MED12L: variants seen among roughly 807,000 people sequenced by gnomAD.
The protein encoded by MED12L is mediator of RNA polymerase II transcription subunit 12-like protein.
Under a neutral mutation model 281.3 loss-of-function variants are expected in MED12L, and 60 were observed. That is an observed-to-expected ratio of 0.21 (90% CI 0.17 to 0.26). The LOEUF (loss-of-function observed/expected upper bound fraction) is 0.26. Ranked by LOEUF, MED12L falls within the 10% of genes least tolerant of loss-of-function variation. MED12L has a pLI of 1.00. For synonymous variants in MED12L, 974 were observed against 987.2 expected, an observed-to-expected ratio of 0.99 and a Z score of 0.25; for missense variants, 2,146 against 2,680.9, an observed-to-expected ratio of 0.80 and a Z score of 4.41.
intron 38 of MED12L, among the ~76,000 whole-genome samples, chr3:151,394,046 G>A (rs371357128): frequency 1.3e-5 from 2 of 152,064 alleles, no homozygotes; most frequent in South Asian, 4.1e-4. Context: ...AGGATTTCCT[G>A]TGGTTTCTTA....
At position 151,295,140 on chromosome 3, in the gene MED12L, G is replaced by GGGT. The variant is rs1219060436; in HGVS notation, c.2251-54914_2251-54912dup. The GGGT allele has an allele frequency of 2.5e-6, 4 of 1,613,322 alleles. No homozygotes were observed. In the African/African-American group the frequency reaches 5.3e-5, roughly 22 times the overall value. ...ACAATTGTGTCAAATTCATTGTGAA[G>GGGT]GGTGGTGTTCTTTCCTGGCCCGTCG... On this transcript the variant is annotated intron_variant, in intron 16 of 44. Transcript: ENST00000687756.
At chr3:151,368,735 A>C (rs1755775231) in intron 25 of MED12L, among the ~76,000 whole-genome samples, 1 of 62,102 alleles carries the variant, frequency 1.6e-5, no homozygotes, top group African/African-American at 7.8e-5. Flanking sequence ...ATTTCATTTC[A>C]TTTCATTTCA....
chr3:151,264,877 G>C (rs1329990538), intron 16 of MED12L, among the ~76,000 whole-genome samples: 1 of 152,152 alleles, frequency 6.6e-6, no homozygotes, highest in East Asian at 1.9e-4. Context: ...TTCTCTGACT[G>C]TACCTCCTGT....
intron 16 of MED12L, among the ~76,000 whole-genome samples, chr3:151,194,124 C>G (rs2149110483): frequency 6.6e-6 from 1 of 152,036 alleles, no homozygotes; most frequent in South Asian, 2.1e-4. Flanking sequence ...TGCCACCACG[C>G]CTGGCTAATT....
chr3:151,098,503 A>G (rs1721012264), intron 2 of MED12L, among the ~76,000 whole-genome samples: 2 of 152,308 alleles, frequency 1.3e-5, no homozygotes, highest in East Asian at 3.9e-4. Flanking sequence ...TGCCTCCTTC[A>G]GCCTGTGGTG....
intron 44 of MED12L, among the ~76,000 whole-genome samples, chr3:151,431,835 A>G (rs1254264002): frequency 1.3e-5 from 2 of 152,166 alleles, no homozygotes; most frequent in Admixed American, 1.3e-4. Flanking sequence ...GATTTACTTT[A>G]TTTTTAACCC....
At chr3:151,396,647 A>C (rs1715017394) in intron 39 of MED12L, among the ~76,000 whole-genome samples, 2 of 152,184 alleles carry the variant, frequency 1.3e-5, no homozygotes, top group Admixed American at 1.3e-4. Context: ...ATAAAATAAT[A>C]AATAAAGTAA....
chr3:151,326,047 A>G (rs572882338), intron 16 of MED12L, among the ~76,000 whole-genome samples: 1 of 152,332 alleles, frequency 6.6e-6, no homozygotes, highest in African/African-American at 2.4e-5. Flanking sequence ...TTACTTAACC[A>G]TTATCAATAG....
chr3:151,382,690 A>C lies in MED12L; in HGVS notation c.4625A>C (p.Asp1542Ala), dbSNP rs778691426. The change falls in exon 33 of 45, where the codon GAT becomes GCT. Residue 1542 changes from aspartate (D) to alanine (A), a missense_variant. Physicochemically the swap from Asp to Ala is moderately radical, Grantham distance 126. This residue lies in a region of MED12L where 212 missense variants were observed against 340.8 expected (regional missense o/e 0.62). Transcript: ENST00000687756. ...AACTGGAGAGAAGAACGATACCAAG[A>C]TGACATAAAAGCGCGGCAGATGATG... ...LSNWREERYQ[D>A]DIKARQMMHE... 1 of 1,612,606 alleles carries C rather than the reference A, an allele frequency of 6.2e-7. No homozygotes were observed. Among genetic ancestry groups the C allele is most frequent in the Non-Finnish European group, 8.5e-7 (1 of 1,179,274 alleles).
rs1314718510 is a variant in MED12L at position 151,380,179 on chromosome 3, A to G, written c.4545A>G (p.Glu1515=). 3 of 1,610,878 alleles carry G rather than the reference A, an allele frequency of 1.9e-6. No homozygotes were observed. In the East Asian group the frequency reaches 6.7e-5, roughly 36 times the overall value. ...LVLTCLKGQD[E]QREGLLTSLQ... is the part of the protein sequence containing the mutation. ...TTACCTGCCTTAAGGGACAAGATGA[A>G]CAAAGGGAAGGCCTCCTAACATCTC... The change falls in exon 32 of 45, where the codon GAA becomes GAG. Residue 1515 remains glutamate (E), a synonymous_variant. Transcript: ENST00000687756.
chr3:151,385,261 C>A, intron 36 of MED12L, 70 bp downstream of exon 36: 2 of 830,872 alleles, frequency 2.4e-6, no homozygotes, highest in South Asian at 1.9e-5. Flanking sequence ...TTTGTCTTAC[C>A]ATAGGATATA....
intron 16 of MED12L, among the ~76,000 whole-genome samples, chr3:151,214,633 T>G (rs1727846161): frequency 6.6e-6 from 1 of 150,952 alleles, no homozygotes; most frequent in Non-Finnish European, 1.5e-5. Flanking sequence ...CTTCTTCCTT[T>G]TTTTTGGGCA....
intron 16 of MED12L, among the ~76,000 whole-genome samples, chr3:151,267,788 G>T (rs776584399): frequency 6.6e-6 from 1 of 152,016 alleles, no homozygotes; most frequent in Non-Finnish European, 1.5e-5. Context: ...AGGCACTAAG[G>T]CAGAGTAATA....
rs370601806 is a variant in MED12L, at chr3:151,367,788, T to A, written c.3448+22T>A. The A allele has an allele frequency of 8.2e-6, 13 of 1,590,746 alleles. No individual in the cohort carries two copies. The African/African-American group carries it at 1.8e-4, about 21-fold the overall frequency. On this transcript the variant is annotated intron_variant, in intron 24 of 44. Transcript: ENST00000687756. ...GCAGGTAAGGCAGCATCCATGAACA[T>A]CCGTTGCTCTTTGATTGTTGTCTTG...
At chr3:151,199,970 G>GA (rs1725294879) in intron 16 of MED12L, among the ~76,000 whole-genome samples, 1 of 151,666 alleles carries the variant, frequency 6.6e-6, no homozygotes, top group Non-Finnish European at 1.5e-5. Flanking sequence ...AAAACAAACA[G>GA]AAAAAAACCA....
chr3:151,145,033 C>T (rs1433551953), intron 5 of MED12L, among the ~76,000 whole-genome samples: 1 of 152,224 alleles, frequency 6.6e-6, no homozygotes, highest in East Asian at 1.9e-4. Context: ...GTGCCAGTCA[C>T]TGTTTTAGCA....
At position 151,295,162 on chromosome 3, in the gene MED12L, G is replaced by A. The variant is rs777293275; in HGVS notation, c.2251-54897G>A. The A allele has an allele frequency of 3.0e-5, 49 of 1,612,432 alleles. No individual in the cohort carries two copies. The South Asian group carries it at 3.1e-4, about 10-fold the overall frequency. ...GAAGGGTGGTGTTCTTTCCTGGCCC[G>A]TCGCTCCTGTTGCCTGAATTGTGAC... On this transcript the variant is annotated intron_variant, in intron 16 of 44. Transcript: ENST00000687756.
chr3:151,371,225 C>G (rs1237859219), intron 26 of MED12L, among the ~76,000 whole-genome samples: 1 of 152,182 alleles, frequency 6.6e-6, no homozygotes. Flanking sequence ...CTCTCAATTC[C>G]TATCCACCAG....
chr3:151,395,521 A>G (rs903840204), intron 39 of MED12L, among the ~76,000 whole-genome samples: 1 of 152,220 alleles, frequency 6.6e-6, no homozygotes, highest in African/African-American at 2.4e-5. Flanking sequence ...TGAAACACCT[A>G]TGCGTCTGTA....
Sources: gnomAD v4.1 joint callset for allele counts (sites outside exome capture counted in the v4.1 genomes callset) on GRCh38, gnomAD v4.1.1 for gene constraint, gnomAD v4.1.1 regional missense constraint, MANE v1.5 for transcripts, NCBI Gene and HGNC (gene_info 2026-07-23, HGNC 2026-07-21) for gene names.